Variants in ASPHD2 observed in about 807,000 individuals in gnomAD.
ASPHD2 encodes aspartate beta-hydroxylase domain-containing protein 2.
A neutral mutation model predicts 34.6 loss-of-function variants in ASPHD2; 12 were observed. That is an observed-to-expected ratio of 0.35 (90% CI 0.22 to 0.56). ASPHD2 has a LOEUF of 0.56. Ranked by LOEUF, ASPHD2 falls within the 20% of genes least tolerant of loss-of-function variation. The pLI is 0.87. For synonymous variants in ASPHD2, 224 were observed against 212.2 expected (o/e 1.06, Z -0.48); for missense variants, 375 against 505.0 (o/e 0.74, Z 2.47).
At position 26,433,791 on chromosome 22, in the gene ASPHD2, C is replaced by T. The variant is rs777787899; in HGVS notation, c.176C>T (p.Thr59Ile). ...GIQSVRDCDT[T>I]AVITVACLLV... The stretch of plus-strand genomic sequence containing the variant: ...CAGTCCGTGCGGGACTGCGACACCA[C>T]CGCTGTCATCACTGTGGCCTGCCTC... Residue 59 changes from threonine to isoleucine, a missense_variant, in exon 2 of 4, where the codon ACC becomes ATC. Physicochemically the swap from Thr to Ile is moderately conservative, Grantham distance 89. Around this residue, in one of 3 missense-constraint regions of ASPHD2, gnomAD observed 223 missense variants for 257.8 expected, o/e 0.87. Transcript: ENST00000215906. The surrounding 1 kb of genome is among the most constrained non-coding windows in gnomAD (Gnocchi z 5.1). 3 of 1,613,984 alleles carry T rather than the reference C, an allele frequency of 1.9e-6. No homozygotes were observed.
rs745516200 is a variant in ASPHD2, at chr22:26,433,641, C to G, written c.26C>G (p.Pro9Arg). 6.2e-7 allele frequency: 1 copy of G among 1,614,090 alleles called. No individual in the cohort carries two copies. Among genetic ancestry groups the G allele is most frequent in the East Asian group, 2.2e-5 (1 of 44,872 alleles). Residue 9 changes from proline (P) to arginine (R), a missense_variant, in exon 2 of 4, where the codon CCG becomes CGG. Around this residue, in one of 3 missense-constraint regions of ASPHD2, gnomAD observed 223 missense variants for 257.8 expected, o/e 0.87. Transcript: ENST00000215906. This position sits in a 1 kb window ranked among gnomAD's most constrained non-coding sequence, Gnocchi z 5.1. ...ATGGTGTGGGCGCCCTTGGGACCCCCGAGGACTGATTGTCTGACCTTGCTT... is the reference window on the plus strand; with the variant it reads ...ATGGTGTGGGCGCCCTTGGGACCCCGGAGGACTGATTGTCTGACCTTGCTT... MVWAPLGP[P>R]RTDCLTLLHT...
intron 3 of ASPHD2, 43 bp downstream of exon 3, chr22:26,442,615 A>G: frequency 6.9e-7 from 1 of 1,456,884 alleles, no homozygotes; most frequent in Non-Finnish European, 9.4e-7. Context: ...CAATGAATAG[A>G]CTTTTATTTT....
rs1261249753 is a variant in ASPHD2 at position 26,443,548 on chromosome 22, G to T, written c.*342G>T. On this transcript the variant is annotated 3_prime_UTR_variant, in exon 4 of 4. Coordinates refer to ENST00000215906, the MANE Select transcript of ASPHD2 (RefSeq NM_020437.5). ...CTTCTGTTGCTACTTGTTTTTTTCA[G>T]TGCTCTGAAATAGAGTAACTAAATG... 2.3e-5 allele frequency: 4 copies of T among 176,460 alleles called. No homozygotes were observed. The highest frequency in any genetic ancestry group is 4.9e-5 in the African/African-American group (2 of 40,978). 10.9% of individuals were successfully genotyped at this position (176,460 alleles called of 1,614,324 possible).
At chr22:26,435,316 C>G (rs1354063365) in intron 2 of ASPHD2, among the ~76,000 whole-genome samples, 1 of 152,204 alleles carries the variant, frequency 6.6e-6, no homozygotes, top group Non-Finnish European at 1.5e-5. Context: ...TAAAAGTAGG[C>G]TTAAAACAAC....
chr22:26,438,648 CAT>C (rs1320039108), intron 2 of ASPHD2, among the ~76,000 whole-genome samples: 15 of 66,022 alleles, frequency 2.3e-4, no homozygotes, highest in African/African-American at 3.2e-4. Flanking sequence ...TATATATACA[CAT>C]ACATATATAT....
intron 2 of ASPHD2, among the ~76,000 whole-genome samples, chr22:26,438,514 TACATATATATAC>T (rs2084809938): frequency 7.9e-6 from 1 of 127,312 alleles, no homozygotes; most frequent in Non-Finnish European, 1.7e-5. Flanking sequence ...TATATATACA[TACATATATATAC>T]ATACATATAT....
At chr22:26,430,647 A>G (rs1408347963) in intron 1 of ASPHD2, among the ~76,000 whole-genome samples, 2 of 152,206 alleles carry the variant, frequency 1.3e-5, no homozygotes, top group Non-Finnish European at 2.9e-5. Context: ...GTGCTTAATA[A>G]ACTGCCAGTC....
At position 26,433,550 on chromosome 22, in the gene ASPHD2, C is replaced by A. The variant is rs954137949; in HGVS notation, c.-66C>A. The stretch of plus-strand genomic sequence containing the variant: ...TCATCAATGCCGCCCCTGGCAGTAT[C>A]TGAGGATCGGTGGCAGCCATGCCTC... On this transcript the variant is annotated 5_prime_UTR_variant, in exon 2 of 4. It adds an upstream start codon to the 5' untranslated region. Transcript: ENST00000215906. The surrounding 1 kb of genome is among the most constrained non-coding windows in gnomAD (Gnocchi z 5.1). 1.7e-6 allele frequency: 2 copies of A among 1,203,080 alleles called. No individual in the cohort carries two copies. Among genetic ancestry groups the A allele is most frequent in the African/African-American group, 1.5e-5 (1 of 65,728 alleles). 74.5% of individuals were successfully genotyped at this position (1,203,080 alleles called of 1,614,324 possible).
intron 2 of ASPHD2, among the ~76,000 whole-genome samples, chr22:26,437,815 G>A (rs2146130594): frequency 6.6e-6 from 1 of 152,220 alleles, no homozygotes; most frequent in East Asian, 1.9e-4. Flanking sequence ...CCTCCTTCCT[G>A]CCTCTTTCAG....
chr22:26,440,195 C>G (rs2084826676), intron 2 of ASPHD2, among the ~76,000 whole-genome samples: 1 of 152,176 alleles, frequency 6.6e-6, no homozygotes, highest in Non-Finnish European at 1.5e-5. Flanking sequence ...GTGATGGGGG[C>G]CAAGTGTTTC....
intron 2 of ASPHD2, among the ~76,000 whole-genome samples, chr22:26,438,259 G>C (rs927705826): frequency 2.0e-5 from 3 of 152,100 alleles, no homozygotes; most frequent in African/African-American, 7.2e-5. Context: ...CCATCTGGGC[G>C]TCTTTACAGC....
rs750524718 is a variant in ASPHD2 at position 26,433,637 on chromosome 22, C to A, written c.22C>A (p.Pro8Thr). The A allele has an allele frequency of 1.9e-6, 3 of 1,613,812 alleles. No homozygotes were observed. Among genetic ancestry groups the A allele is most frequent in the East Asian group, 2.2e-5 (1 of 44,872 alleles). The change falls in exon 2 of 4, where the codon CCC (proline) becomes ACC (threonine). Residue 8 changes from proline (P) to threonine (T), a missense_variant. By Grantham distance (38) the Pro-to-Thr change is conservative (BLOSUM62 -1). Coordinates refer to ENST00000215906, the MANE Select transcript of ASPHD2 (RefSeq NM_020437.5). The surrounding 1 kb of genome is among the most constrained non-coding windows in gnomAD (Gnocchi z 5.1). ...CTGCATGGTGTGGGCGCCCTTGGGACCCCCGAGGACTGATTGTCTGACCTT... is the reference window on the plus strand; with the variant it reads ...CTGCATGGTGTGGGCGCCCTTGGGAACCCCGAGGACTGATTGTCTGACCTT... MVWAPLGPPRTDCLTLLH... is the reference protein window; with the variant it reads MVWAPLGTPRTDCLTLLH...
intron 3 of ASPHD2, among the ~76,000 whole-genome samples, chr22:26,442,817 G>A (rs961604153): frequency 2.0e-5 from 3 of 152,014 alleles, no homozygotes; most frequent in Admixed American, 1.3e-4. Flanking sequence ...ATAATGACAC[G>A]GACCTACCAT....
intron 1 of ASPHD2, among the ~76,000 whole-genome samples, chr22:26,431,103 A>G (rs1225968689): frequency 1.3e-5 from 2 of 152,228 alleles, no homozygotes; most frequent in African/African-American, 4.8e-5. Context: ...TCCTCCTGAC[A>G]GACTCAGTTG....
intron 1 of ASPHD2, among the ~76,000 whole-genome samples, chr22:26,431,980 G>A (rs2146126291): frequency 6.6e-6 from 1 of 152,342 alleles, no homozygotes; most frequent in South Asian, 2.1e-4. Flanking sequence ...CGGATCACCT[G>A]AGATTGGGAT....
At position 26,434,084 on chromosome 22, in the gene ASPHD2, A is replaced by C. The variant is rs1479543077; in HGVS notation, c.469A>C (p.Asn157His). The C allele has an allele frequency of 6.2e-7, 1 of 1,613,156 alleles. No individual in the cohort carries two copies. The highest frequency in any genetic ancestry group is 2.2e-5 in the East Asian group (1 of 44,866). The change falls in exon 2 of 4, where the codon AAC (asparagine) becomes CAC (histidine). Residue 157 changes from asparagine (N) to histidine (H), a missense_variant. Asn to His is a moderately conservative substitution (Grantham distance 68). Transcript: ENST00000215906. ...KGIREQGRYL[N>H]SRPSIQKPEV... is the part of the protein sequence containing the mutation. The stretch of plus-strand genomic sequence containing the variant: ...CATCCGCGAGCAGGGCCGGTACCTC[A>C]ACAGCCGGCCCTCCATCCAGAAGCC...
At position 26,434,147 on chromosome 22, in the gene ASPHD2, T is replaced by A; in HGVS notation, c.532T>A (p.Tyr178Asn). ...CCTGCCCGACCTGCCCACCACGCCC[T>A]ATTTCTCCCGGGACGCACAGAAACA... ...FFLPDLPTTP[Y>N]FSRDAQKHDV... Residue 178 changes from tyrosine (Y) to asparagine (N), a missense_variant, in exon 2 of 4, where the codon TAT becomes AAT. This residue lies in a region of ASPHD2 where 223 missense variants were observed against 257.8 expected (regional missense o/e 0.87). Coordinates refer to ENST00000215906, the MANE Select transcript of ASPHD2 (RefSeq NM_020437.5). 6.2e-7 allele frequency: 1 copy of A among 1,612,010 alleles called. No individual in the cohort carries two copies. The highest frequency in any genetic ancestry group is 8.5e-7 in the Non-Finnish European group (1 of 1,179,042).
At chr22:26,432,859 G>A (rs2084765912) in intron 1 of ASPHD2, among the ~76,000 whole-genome samples, 1 of 152,214 alleles carries the variant, frequency 6.6e-6, no homozygotes, top group South Asian at 2.1e-4. Context: ...AATGAAATAA[G>A]GATGATGAAA....
intron 2 of ASPHD2, among the ~76,000 whole-genome samples, chr22:26,441,786 A>C (rs199525930): frequency 6.6e-6 from 1 of 151,828 alleles, no homozygotes; most frequent in African/African-American, 2.4e-5. Context: ...AGCCTGGCAC[A>C]GTGGCAGGTG....
Sources: allele counts gnomAD v4.1 joint callset (sites outside exome capture counted in the v4.1 genomes callset), GRCh38; gene constraint gnomAD v4.1.1; regional missense constraint gnomAD v4.1.1; non-coding constraint Gnocchi (gnomAD v3.1); transcripts MANE v1.5; gene names NCBI Gene and HGNC (gene_info 2026-07-23, HGNC 2026-07-21).